The following ASAP3 variants were observed in gnomAD, a reference collection of about 807,000 sequenced individuals.
ASAP3 encodes the protein arf-GAP with SH3 domain, ANK repeat and PH domain-containing protein 3.
ASAP3 carries 85 observed loss-of-function variants against 118.2 expected under a neutral mutation model. The ratio of observed to expected loss-of-function variants is 0.72; its 90% CI spans 0.60 to 0.86. The LOEUF is 0.86. Among genes scored for constraint, ASAP3 ranks in the 40% least tolerant of loss-of-function variants. The pLI, the probability that ASAP3 is intolerant of heterozygous loss-of-function variation, is 0.00. For synonymous variants in ASAP3, 432 were observed against 477.4 expected, an observed-to-expected ratio of 0.90 and a Z score of 1.24; for missense variants, 1,026 against 1,175.0, an observed-to-expected ratio of 0.87 and a Z score of 1.85.
chr1:23,454,040 G>A (rs1641307017), intron 3 of ASAP3, among the ~76,000 whole-genome samples: 1 of 151,568 alleles, frequency 6.6e-6, no homozygotes, highest in African/African-American at 2.4e-5. Flanking sequence ...TTTTTTTTGA[G>A]ACAGGGTCTT....
At chr1:23,452,442 G>A (rs968311190) in intron 4 of ASAP3, among the ~76,000 whole-genome samples, 1 of 152,150 alleles carries the variant, frequency 6.6e-6, no homozygotes, top group African/African-American at 2.4e-5. Context: ...GGGGATGAGT[G>A]TACCCACAAA....
At chr1:23,445,849 C>G (rs950566944) in intron 5 of ASAP3, among the ~76,000 whole-genome samples, 13 of 151,690 alleles carry the variant, frequency 8.6e-5, no homozygotes, top group African/African-American at 2.7e-4. Context: ...GGCATGGTAG[C>G]ATGGTCCTGT....
rs758525430 is a variant in ASAP3, at chr1:23,433,684, G to C, written c.1961C>G (p.Ala654Gly). ...GGCTATGTCCAGAGCTGTCTCGCCT[G>C]CTTCATTTACTGTGAGCGGGGAAAG... is the stretch of plus-strand genomic sequence containing the variant. ...GRALVGTVNE[A>G]GETALDIARK... is the part of the protein sequence containing the mutation. Residue 654 changes from alanine (A) to glycine (G), a missense_variant, in exon 20 of 25, where the codon GCA becomes GGA. By Grantham distance (60) the Ala-to-Gly change is moderately conservative. Transcript: ENST00000336689. 6.2e-7 allele frequency: 1 copy of C among 1,614,192 alleles called. No homozygotes were observed. Among genetic ancestry groups the C allele is most frequent in the East Asian group, 2.2e-5 (1 of 44,882 alleles).
In ASAP3 at chr1:23,434,238, G is replaced by C. The variant is rs765599562; in HGVS notation, c.1951+16C>G. On this transcript the variant is annotated intron_variant, in intron 19 of 24. Coordinates refer to ENST00000336689, the MANE Select transcript of ASAP3 (RefSeq NM_017707.4). ...TCAGGAATAGGAGTCTGACGGAGGAGGTATTCAAGCCCCACCTGTGCCAAC... is the reference window on the plus strand; with the variant it reads ...TCAGGAATAGGAGTCTGACGGAGGACGTATTCAAGCCCCACCTGTGCCAAC... The C allele has an allele frequency of 2.5e-6, 4 of 1,612,428 alleles. No individual in the cohort carries two copies.
chr1:23,431,617 A>G, intron 23 of ASAP3, 79 bp downstream of exon 23: 4 of 1,319,020 alleles, frequency 3.0e-6, no homozygotes, highest in Non-Finnish European at 4.2e-6. Context: ...GGCAGGTACT[A>G]TTTAGAGGTG....
intron 5 of ASAP3, among the ~76,000 whole-genome samples, chr1:23,449,947 A>C (rs1204659015): frequency 1.3e-5 from 2 of 152,258 alleles, no homozygotes; most frequent in Non-Finnish European, 2.9e-5. Context: ...GAAGAGGGCC[A>C]TGTGGCCCCA....
At chr1:23,444,486 G>T (rs1034315010) in intron 5 of ASAP3, among the ~76,000 whole-genome samples, 2 of 152,194 alleles carry the variant, frequency 1.3e-5, no homozygotes, top group African/African-American at 4.8e-5. Flanking sequence ...TACAAACTCT[G>T]CTGCTTGCTG....
At chr1:23,459,860 G>A (rs1344341047) in intron 1 of ASAP3, among the ~76,000 whole-genome samples, 1 of 152,184 alleles carries the variant, frequency 6.6e-6, no homozygotes, top group East Asian at 1.9e-4. Context: ...ATCACTGGGT[G>A]GCTCCCAGTG....
intron 7 of ASAP3, among the ~76,000 whole-genome samples, chr1:23,441,932 A>G (rs41268119): frequency 1.1e-3 from 162 of 152,310 alleles, no homozygotes; most frequent in Non-Finnish European, 1.9e-3. Context: ...ATCTTGGAAA[A>G]TAAGCCTCAG....
chr1:23,444,888 C>T (rs1467744563), intron 5 of ASAP3, among the ~76,000 whole-genome samples: 1 of 151,434 alleles, frequency 6.6e-6, no homozygotes, highest in Non-Finnish European at 1.5e-5. Context: ...CCCTGACCTC[C>T]ACCCACTAGC....
At chr1:23,431,191 G>A (rs1640419666) in intron 23 of ASAP3, 66 bp from the exon 24 acceptor site, 2 of 1,507,374 alleles carry the variant, frequency 1.3e-6, no homozygotes, top group Non-Finnish European at 1.8e-6. Flanking sequence ...GGGGAGAAAG[G>A]GCTCAGGAAC....
rs558952085 is a variant in ASAP3 at position 23,438,852 on chromosome 1, C to T, written c.1015-18G>A. 34 of 1,613,254 alleles carry T rather than the reference C, an allele frequency of 2.1e-5. No homozygotes were observed. In the East Asian group the frequency reaches 2.5e-4, roughly 12 times the overall value. On this transcript the variant is annotated intron_variant, in intron 11 of 24. Coordinates refer to ENST00000336689, the MANE Select transcript of ASAP3 (RefSeq NM_017707.4). The surrounding 1 kb of genome is among the most constrained non-coding windows in gnomAD (Gnocchi z 4.9). ...CGGTTTATCTGTGGGAATTTAGGGG[C>T]GGAGGATGTATGCATTACCTCTGGC...
chr1:23,438,990 A>G lies in ASAP3; in HGVS notation c.1015-156T>C. ...ACCTCAAGGATGTGAAGTGTAGACT[A>G]AGACTAGATTGGGGCCTTCAGGTCC... On this transcript the variant is annotated intron_variant, in intron 11 of 24. Coordinates refer to ENST00000336689, the MANE Select transcript of ASAP3 (RefSeq NM_017707.4). The surrounding 1 kb of genome is among the most constrained non-coding windows in gnomAD (Gnocchi z 4.9). 1.9e-6 allele frequency: 2 copies of G among 1,077,680 alleles called. No individual in the cohort carries two copies. Among genetic ancestry groups the G allele is most frequent in the African/African-American group, 1.6e-5 (1 of 64,196 alleles). 66.8% of individuals were successfully genotyped at this position (1,077,680 alleles called of 1,614,324 possible).
At position 23,433,688 on chromosome 1, in the gene ASAP3, C is replaced by T; in HGVS notation, c.1957G>A (p.Glu653Lys). 2 of 1,614,182 alleles carry T rather than the reference C, an allele frequency of 1.2e-6. No individual in the cohort carries two copies. Among genetic ancestry groups the T allele is most frequent in the Non-Finnish European group, 1.7e-6 (2 of 1,180,038 alleles). ...ATGTCCAGAGCTGTCTCGCCTGCTT[C>T]ATTTACTGTGAGCGGGGAAAGTCAG... ...KGRALVGTVN[E>K]AGETALDIAR... The change falls in exon 20 of 25, where the codon GAA becomes AAA. Residue 653 changes from glutamate (E) to lysine (K), a missense_variant. Physicochemically the swap from Glu to Lys is moderately conservative, Grantham distance 56. Coordinates refer to ENST00000336689, the MANE Select transcript of ASAP3 (RefSeq NM_017707.4).
intron 1 of ASAP3, among the ~76,000 whole-genome samples, chr1:23,466,512 C>T (rs1028231187): frequency 3.3e-5 from 5 of 152,224 alleles, no homozygotes; most frequent in African/African-American, 9.6e-5. Context: ...GTGTCCCCTA[C>T]CCTGATCCCA....
intron 1 of ASAP3, among the ~76,000 whole-genome samples, chr1:23,462,705 G>A (rs1449603757): frequency 6.6e-6 from 1 of 152,136 alleles, no homozygotes; most frequent in Non-Finnish European, 1.5e-5. Context: ...GCTGCAGTGA[G>A]CTGAGATCAC....
intron 1 of ASAP3, among the ~76,000 whole-genome samples, chr1:23,469,292 C>G (rs539305069): frequency 1.4e-4 from 21 of 152,162 alleles, no homozygotes; most frequent in African/African-American, 5.1e-4. Context: ...AGCAACAGAG[C>G]GAGACCCTAT....
At position 23,438,885 on chromosome 1, in the gene ASAP3, A is replaced by G. The variant is rs955817105; in HGVS notation, c.1015-51T>C. ...GTATGCATTACCTCTGGCCCTCCAC[A>G]TTCTTTAGGCCTCCATTTCCCACTC... is the stretch of plus-strand genomic sequence containing the variant. On this transcript the variant is annotated intron_variant, in intron 11 of 24. Coordinates refer to ENST00000336689, the MANE Select transcript of ASAP3 (RefSeq NM_017707.4). This position sits in a 1 kb window ranked among gnomAD's most constrained non-coding sequence, Gnocchi z 4.9. 6 of 1,556,320 alleles carry G rather than the reference A, an allele frequency of 3.9e-6. No homozygotes were observed. In the African/African-American group the frequency reaches 6.8e-5, roughly 18 times the overall value.
chr1:23,459,208 CA>C (rs1457958144), intron 1 of ASAP3, among the ~76,000 whole-genome samples: 4 of 150,356 alleles, frequency 2.7e-5, no homozygotes, highest in Admixed American at 6.6e-5. Context: ...GAACAATTTC[CA>C]AAAAAATTTC....
Sources: allele counts gnomAD v4.1 joint callset (sites outside exome capture counted in the v4.1 genomes callset), GRCh38; gene constraint gnomAD v4.1.1; non-coding constraint Gnocchi (gnomAD v3.1); transcripts MANE v1.5; gene names NCBI Gene and HGNC (gene_info 2026-07-23, HGNC 2026-07-21).